RLN2: variants seen among roughly 807,000 people sequenced by gnomAD.
RLN2 encodes prorelaxin H2.
In RLN2, 10 loss-of-function variants were observed where a neutral mutation model predicts 7.3. That is an observed-to-expected ratio of 1.36 (90% confidence interval 0.84 to 2.31). RLN2 has a LOEUF of 2.31. Among genes scored for constraint, RLN2 ranks in the 30% most tolerant of loss-of-function variants. The pLI is 0.00. For synonymous variants in RLN2, 103 were observed against 82.3 expected, an observed-to-expected ratio of 1.25 and a Z score of -1.36; for missense variants, 298 against 217.6, an observed-to-expected ratio of 1.37 and a Z score of -2.32.
At chr9:5,322,181 C>A in the RLN2 span, among the ~76,000 whole-genome samples, 16 of 151,904 alleles carry the variant, frequency 1.1e-4, 1 homozygote, top group South Asian at 1.5e-3. Flanking sequence ...CAAGTGGGAG[C>A]TTCTCTTTGT....
the RLN2 span, among the ~76,000 whole-genome samples, chr9:5,331,849 G>A: frequency 1.3e-5 from 2 of 151,816 alleles, no homozygotes; most frequent in East Asian, 3.9e-4. Context: ...AAATAAACTG[G>A]TGCAACCTCT....
At position 5,304,414 on chromosome 9, in the gene RLN2, G is replaced by C. The variant is rs778025907; in HGVS notation, c.167C>G (p.Ser56Cys). 15 of 1,610,696 alleles carry C rather than the reference G, an allele frequency of 9.3e-6. No homozygotes were observed. The highest frequency in any genetic ancestry group is 1.7e-5 in the Admixed American group (1 of 59,746). Residue 56 changes from serine to cysteine, a missense_variant, in exon 1 of 2, where the codon TCT becomes TGT. Physicochemically the swap from Ser to Cys is moderately radical, Grantham distance 112. Transcript: ENST00000381627. ...CTGAGGAGCATCTTCCTGGCTCAGAGACCTTTTGCTCCAGGTGCTCATGCC... is the reference window on the plus strand; with the variant it reads ...CTGAGGAGCATCTTCCTGGCTCAGACACCTTTTGCTCCAGGTGCTCATGCC... ...ICGMSTWSKR[S>C]LSQEDAPQTP...
the RLN2 span, among the ~76,000 whole-genome samples, chr9:5,329,550 G>T: frequency 6.8e-6 from 1 of 147,942 alleles, no homozygotes; most frequent in Non-Finnish European, 1.5e-5. Flanking sequence ...CAAAACAAAG[G>T]GATGGAGGAA....
At chr9:5,337,890 T>C in the RLN2 span, among the ~76,000 whole-genome samples, 2 of 152,046 alleles carry the variant, frequency 1.3e-5, no homozygotes, top group Non-Finnish European at 2.9e-5. Context: ...ATAAACTAAA[T>C]ATCCACCAAA....
chr9:5,327,573 G>C, the RLN2 span, among the ~76,000 whole-genome samples: 3 of 152,014 alleles, frequency 2.0e-5, no homozygotes, highest in African/African-American at 2.4e-5. Context: ...CACGGCATTC[G>C]AGCTTTGGGA....
chr9:5,322,851 G>C, the RLN2 span, among the ~76,000 whole-genome samples: 1,941 of 152,004 alleles, frequency 0.013, 47 homozygotes, highest in African/African-American at 0.044. Context: ...TTACCACCAA[G>C]TAGTGATGGG....
At chr9:5,314,862 G>T in the RLN2 span, among the ~76,000 whole-genome samples, 1 of 151,374 alleles carries the variant, frequency 6.6e-6, no homozygotes, top group Admixed American at 6.6e-5. Context: ...CGTGTCCTGG[G>T]GCCTAAGTTG....
At chr9:5,302,338 T>G (rs1201689914) in intron 1 of RLN2, among the ~76,000 whole-genome samples, 1 of 152,128 alleles carries the variant, frequency 6.6e-6, no homozygotes, top group East Asian at 1.9e-4. Context: ...GTTTAAAGGG[T>G]ATCTTATTTT....
upstream of RLN2, among the ~76,000 whole-genome samples, chr9:5,305,298 T>C (rs1288599114): frequency 6.6e-6 from 1 of 151,498 alleles, no homozygotes; most frequent in East Asian, 1.9e-4. Flanking sequence ...TGATTGTAAC[T>C]AGTTATCTGA....
the RLN2 span, among the ~76,000 whole-genome samples, chr9:5,317,774 G>A: frequency 6.6e-6 from 1 of 151,940 alleles, no homozygotes; most frequent in Non-Finnish European, 1.5e-5. Flanking sequence ...AAATTGGTCT[G>A]TGAACATGTC....
At chr9:5,336,238 G>A in the RLN2 span, among the ~76,000 whole-genome samples, 6 of 152,050 alleles carry the variant, frequency 3.9e-5, no homozygotes, top group African/African-American at 1.5e-4. Flanking sequence ...ATGAAAGAGA[G>A]AAGTGGGTTA....
At chr9:5,301,236 G>A (rs1391399540) in intron 1 of RLN2, among the ~76,000 whole-genome samples, 17 of 152,148 alleles carry the variant, frequency 1.1e-4, no homozygotes, top group Admixed American at 1.1e-3. Context: ...CCTAGGAAGG[G>A]AGCCTGTTCT....
the RLN2 span, among the ~76,000 whole-genome samples, chr9:5,322,582 A>C: frequency 6.6e-6 from 1 of 151,920 alleles, no homozygotes; most frequent in Non-Finnish European, 1.5e-5. Flanking sequence ...CACAGAGAAC[A>C]ATTTGATTTC....
chr9:5,308,345 G>T (rs368193017), upstream of RLN2, among the ~76,000 whole-genome samples: 8 of 151,852 alleles, frequency 5.3e-5, no homozygotes, highest in African/African-American at 1.2e-4. Flanking sequence ...AAGTAATAGC[G>T]TATGTATGGA....
chr9:5,316,847 T>C, the RLN2 span, among the ~76,000 whole-genome samples: 5 of 152,078 alleles, frequency 3.3e-5, no homozygotes, highest in African/African-American at 9.7e-5. Context: ...TTTCTGGTTC[T>C]AGATCCTTGA....
At chr9:5,313,503 T>A in the RLN2 span, among the ~76,000 whole-genome samples, 1 of 152,068 alleles carries the variant, frequency 6.6e-6, no homozygotes, top group African/African-American at 2.4e-5. Flanking sequence ...GAGTTGGGTC[T>A]TGTTTTTTAA....
chr9:5,308,235 A>G (rs902881618), upstream of RLN2, among the ~76,000 whole-genome samples: 4 of 152,152 alleles, frequency 2.6e-5, no homozygotes, highest in African/African-American at 9.6e-5. Flanking sequence ...GTGATCTTCA[A>G]AAAGTCTTCT....
At chr9:5,312,031 G>T in the RLN2 span, among the ~76,000 whole-genome samples, 1 of 151,786 alleles carries the variant, frequency 6.6e-6, no homozygotes, top group East Asian at 1.9e-4. Flanking sequence ...AAGCTATGTT[G>T]TTAGCACACA....
upstream of RLN2, among the ~76,000 whole-genome samples, chr9:5,306,108 T>G (rs968694017): frequency 8.1e-5 from 11 of 136,172 alleles, no homozygotes; most frequent in African/African-American, 3.0e-4. Flanking sequence ...TTTTGTTTTT[T>G]GTTTTTTTTT....
Sources: allele counts gnomAD v4.1 joint callset (sites outside exome capture counted in the v4.1 genomes callset), GRCh38; gene constraint gnomAD v4.1.1; transcripts MANE v1.5; gene names NCBI Gene and HGNC (gene_info 2026-07-23, HGNC 2026-07-21).